ERCC4: variants seen among roughly 807,000 people sequenced by gnomAD.
ERCC4 encodes the protein ERCC excision repair 4, endonuclease catalytic subunit.
Under a neutral mutation model 76.9 loss-of-function variants are expected in ERCC4, and 65 were observed. The observed-to-expected ratio is 0.84, with a 90% CI of 0.69 to 1.04. The LOEUF (loss-of-function observed/expected upper bound fraction) is 1.04, where lower values mean the gene tolerates loss of function less well. ERCC4 is among the 50% of genes least tolerant of loss of function. The pLI is 0.00. For synonymous variants in ERCC4, 463 were observed against 410.1 expected (o/e 1.13, Z -1.56); for missense variants, 1,214 against 1,128.2 (o/e 1.08, Z -1.09).
At chr16:13,933,045 C>CAA (rs11337706) in intron 6 of ERCC4, 7,083 of 216,042 alleles carry the variant, frequency 0.033, 91 homozygotes, top group Admixed American at 0.038. Context: ...GACTCGGTCT[C>CAA]AAAAAAAAAA....
intron 2 of ERCC4, among the ~76,000 whole-genome samples, chr16:13,926,097 G>A (rs2032067069): frequency 6.6e-6 from 1 of 151,808 alleles, no homozygotes; most frequent in African/African-American, 2.4e-5. Context: ...ATTTTGTATA[G>A]TCCACATCTG....
In ERCC4 at chr16:13,950,780, C is replaced by T. The variant is rs1281854752; in HGVS notation, c.*2433C>T. 2.1e-5 allele frequency: 4 copies of T among 193,654 alleles called. No homozygotes were observed. The Admixed American group carries it at 2.4e-4, about 12-fold the overall frequency. The allele number at this position is 193,654 out of a possible 1,614,324, so 12.0% of individuals were successfully genotyped here. On this transcript the variant is annotated 3_prime_UTR_variant, in exon 11 of 11. Transcript: ENST00000311895. ...TCATTATATAAAAGGAACATCTTCC[C>T]ATAGCATATTCTATGAAAGGGGTTT... is the stretch of plus-strand genomic sequence containing the variant.
At chr16:13,929,421 G>C (rs1295245840) in intron 4 of ERCC4, among the ~76,000 whole-genome samples, 1 of 152,150 alleles carries the variant, frequency 6.6e-6, no homozygotes, top group Non-Finnish European at 1.5e-5. Context: ...TTCTGGTTTA[G>C]ACAATAAACT....
Position 13,946,267 on chromosome 16 carries a change from G to A in ERCC4, c.2018-1347G>A, listed in dbSNP as rs146669992. Among the ~76,000 whole-genome samples the A allele has an allele frequency of 1.3e-4, 20 of 152,268 alleles. 1 individual carries two copies. In the East Asian group the frequency reaches 2.7e-3, roughly 21 times the overall value. Reference sequence around the variant, plus strand: ...CATTCTGAGAAATGTGTCATTAGGCGATTTCATCATTACATGAACATCACA... The same window carrying A: ...CATTCTGAGAAATGTGTCATTAGGCAATTTCATCATTACATGAACATCACA... On this transcript the variant is annotated intron_variant, in intron 10 of 10. Transcript: ENST00000311895.
At position 13,933,381 on chromosome 16, in the gene ERCC4, G is replaced by A. The variant is rs915530432; in HGVS notation, c.1103-811G>A. The A allele has an allele frequency of 1.9e-5, 3 of 154,468 alleles. No individual in the cohort carries two copies. In the East Asian group the frequency reaches 5.7e-4, roughly 30 times the overall value. The allele number at this position is 154,468 out of a possible 1,614,324, so 9.6% of individuals were successfully genotyped here. On this transcript the variant is annotated intron_variant, in intron 6 of 10. Transcript: ENST00000311895. ...TTTTAAGGCATGGGATAGGGTTAAT[G>A]CCTGCTTTCTGCCTAGTTTAAAGGT...
At chr16:13,941,312 A>T (rs2032409303) in intron 9 of ERCC4, among the ~76,000 whole-genome samples, 1 of 152,164 alleles carries the variant, frequency 6.6e-6, no homozygotes, top group South Asian at 2.1e-4. Context: ...TTCCCATTTT[A>T]CCCAGCAGTC....
chr16:13,930,080 C>T (rs911483397), intron 4 of ERCC4, among the ~76,000 whole-genome samples: 8 of 152,060 alleles, frequency 5.3e-5, no homozygotes, highest in African/African-American at 9.7e-5. Context: ...AATTATGGTA[C>T]GTTGTTATTT....
Position 13,949,700 on chromosome 16 carries a change from G to A in ERCC4, c.*1353G>A, listed in dbSNP as rs77401662. 8.7e-4 allele frequency: 202 copies of A among 232,714 alleles called. 2 individuals carry two copies. The East Asian group carries it at 0.012, about 14-fold the overall frequency. 14.4% of individuals were successfully genotyped at this position (232,714 alleles called of 1,614,324 possible). On this transcript the variant is annotated 3_prime_UTR_variant, in exon 11 of 11. Transcript: ENST00000311895. Reference sequence around the variant, plus strand: ...GATTAAGTTGGCTTTTTACGTAAGTGTACAAATAGGATATTCACAGCATCT... The same window carrying A: ...GATTAAGTTGGCTTTTTACGTAAGTATACAAATAGGATATTCACAGCATCT...
chr16:13,932,553 A>G (rs2032193854), intron 6 of ERCC4: 1 of 554,020 alleles, frequency 1.8e-6, no homozygotes, highest in Non-Finnish European at 3.2e-6. Context: ...ATATTGATCA[A>G]AAGTATGCTA....
chr16:13,924,363 A>G (rs1259562778), intron 2 of ERCC4, among the ~76,000 whole-genome samples: 5 of 152,226 alleles, frequency 3.3e-5, no homozygotes, highest in Non-Finnish European at 7.3e-5. Context: ...GGATGCTTTC[A>G]TTGCCAAAAC....
At chr16:13,923,425 T>C (rs1309522034) in intron 2 of ERCC4, among the ~76,000 whole-genome samples, 1 of 134,814 alleles carries the variant, frequency 7.4e-6, no homozygotes, top group African/African-American at 2.7e-5. Flanking sequence ...ATTCATAATC[T>C]TATTCCCACT....
At chr16:13,944,579 T>C (rs1461986607) in intron 9 of ERCC4, 144 bp from the exon 10 acceptor site, 1 of 675,030 alleles carries the variant, frequency 1.5e-6, no homozygotes, top group Non-Finnish European at 2.7e-6. Context: ...GCATATTTAC[T>C]TCTAATATAT....
Position 13,930,806 on chromosome 16 carries a change from T to C in ERCC4, c.889T>C (p.Tyr297His), listed in dbSNP as rs778480216. 1.2e-6 allele frequency: 2 copies of C among 1,610,966 alleles called. No homozygotes were observed. Residue 297 changes from tyrosine to histidine, a missense_variant, in exon 5 of 11, where the codon TAT (tyrosine) becomes CAT (histidine). Transcript: ENST00000311895. ...DLKILRTLLQ[Y>H]LSQYDCVTFL... ...GAAGATATTACGAACTTTGCTGCAG[T>C]ATCTCTCTCAGTATGATTGTGTCAC...
At chr16:13,946,879 G>A (rs369075943) in intron 10 of ERCC4, among the ~76,000 whole-genome samples, 1 of 152,240 alleles carries the variant, frequency 6.6e-6, no homozygotes. Flanking sequence ...TCCTGCCACA[G>A]CCTCCCGAGT....
intron 4 of ERCC4, among the ~76,000 whole-genome samples, chr16:13,929,685 G>T (rs1411374759): frequency 1.3e-5 from 2 of 152,180 alleles, no homozygotes; most frequent in Non-Finnish European, 2.9e-5. Flanking sequence ...AAAATAATTG[G>T]CCGGGTGCGG....
intron 3 of ERCC4, 190 bp downstream of exon 3, chr16:13,926,946 A>G: frequency 3.5e-6 from 2 of 579,314 alleles, no homozygotes; most frequent in Non-Finnish European, 6.0e-6. Context: ...TTGTGGTTTT[A>G]TTTAAGTCGA....
In ERCC4 at chr16:13,948,665, A is replaced by T. The variant is rs147799208; in HGVS notation, c.*318A>T. On this transcript the variant is annotated 3_prime_UTR_variant, in exon 11 of 11. Coordinates refer to ENST00000311895, the MANE Select transcript of ERCC4 (RefSeq NM_005236.3). ...GGTAGAAACTTTACCTGATCCTAAC[A>T]GATCTCATTTAGAAAGGAATATGCT... 1 of 359,340 alleles carries T rather than the reference A, an allele frequency of 2.8e-6. No homozygotes were observed. The highest frequency in any genetic ancestry group is 4.6e-5 in the East Asian group (1 of 21,770). 22.3% of individuals were successfully genotyped at this position (359,340 alleles called of 1,614,324 possible).
rs1173326380 is a variant in ERCC4 at position 13,950,318 on chromosome 16, T to G, written c.*1971T>G. ...TGAACCTCTCACATTGGCATCTTGA[T>G]TTATTGGTACTTAACAGTATATATG... On this transcript the variant is annotated 3_prime_UTR_variant, in exon 11 of 11. Coordinates refer to ENST00000311895, the MANE Select transcript of ERCC4 (RefSeq NM_005236.3). 5.3e-6 allele frequency: 1 copy of G among 189,032 alleles called. No homozygotes were observed. Among genetic ancestry groups the G allele is most frequent in the African/African-American group, 2.3e-5 (1 of 42,874 alleles). The allele number at this position is 189,032 out of a possible 1,614,324, so 11.7% of individuals were successfully genotyped here.
rs1393847899 is a variant in ERCC4 at position 13,928,034 on chromosome 16, T to A, written c.591T>A (p.His197Gln). ...VRKLYLWPRF[H>Q]VAVNSFLEQH... ...AAAATATTTGTCTCTTTAGGTTCCATGTAGCAGTAAACTCATTTTTAGAAC... is the reference window on the plus strand; with the variant it reads ...AAAATATTTGTCTCTTTAGGTTCCAAGTAGCAGTAAACTCATTTTTAGAAC... The change falls in exon 4 of 11, where the codon CAT becomes CAA. Residue 197 changes from histidine (H) to glutamine (Q), a missense_variant. Physicochemically the swap from His to Gln is conservative, Grantham distance 24. Transcript: ENST00000311895. 2 of 1,611,606 alleles carry A rather than the reference T, an allele frequency of 1.2e-6. No homozygotes were observed. The highest frequency in any genetic ancestry group is 2.7e-5 in the African/African-American group (2 of 74,884).
Sources: gnomAD v4.1 joint callset for allele counts (sites outside exome capture counted in the v4.1 genomes callset) on GRCh38, gnomAD v4.1.1 for gene constraint, MANE v1.5 for transcripts, NCBI Gene and HGNC (gene_info 2026-07-23, HGNC 2026-07-21) for gene names.